Variants in GRIP1 observed in about 807,000 individuals in gnomAD.
The protein encoded by GRIP1 is glutamate receptor-interacting protein 1.
Under a neutral mutation model 129.9 loss-of-function variants are expected in GRIP1, and 45 were observed. The observed-to-expected ratio is 0.35, with a 90% CI of 0.27 to 0.44. The LOEUF (loss-of-function observed/expected upper bound fraction) is 0.44, where lower values mean the gene tolerates loss of function less well. GRIP1 is among the 20% of genes least tolerant of loss of function. GRIP1 has a pLI of 1.00. For missense variants in GRIP1, 1,196 were observed against 1,396.8 expected (o/e 0.86, Z 2.29); for synonymous variants, 530 against 520.8 (o/e 1.02, Z -0.24).
intron 19 of GRIP1, among the ~76,000 whole-genome samples, chr12:66,383,587 C>T (rs757931070): frequency 5.3e-5 from 8 of 152,154 alleles, no homozygotes; most frequent in African/African-American, 9.7e-5. Flanking sequence ...TTTCTCTGGA[C>T]GCTTTCTCTC....
At position 66,371,576 on chromosome 12, in the gene GRIP1, T is replaced by G. The variant is rs148659538; in HGVS notation, c.3012+118A>C. 2.1e-4 allele frequency: 160 copies of G among 755,438 alleles called. No individual in the cohort carries two copies. In the East Asian group the frequency reaches 3.8e-3, roughly 18 times the overall value. The allele number at this position is 755,438 out of a possible 1,614,324, so 46.8% of individuals were successfully genotyped here. A position where few individuals can be genotyped will look rare whatever the true frequency, so the allele number is the denominator to read the frequency against. ...AGTCTCTGAAGATCTGTTTTTAAGC[T>G]TCTTTGCTTGGCTGAGCCCATAGGA... On this transcript the variant is annotated intron_variant, in intron 23 of 24. Coordinates refer to ENST00000359742, the MANE Select transcript of GRIP1 (RefSeq NM_001366722.1).
intron 15 of GRIP1, among the ~76,000 whole-genome samples, chr12:66,419,896 G>T (rs747755246): frequency 4.6e-5 from 7 of 152,220 alleles, no homozygotes; most frequent in Non-Finnish European, 1.0e-4. Context: ...AGGAGTTTGA[G>T]ACCAGCCTAG....
chr12:66,827,835 T>G (rs1269154420), intron 1 of GRIP1, among the ~76,000 whole-genome samples: 1 of 152,246 alleles, frequency 6.6e-6, no homozygotes, highest in Non-Finnish European at 1.5e-5. Flanking sequence ...TGTCTATAAT[T>G]CAAACTTAAA....
chr12:66,951,218 A>T (rs889131996), intron 1 of GRIP1, among the ~76,000 whole-genome samples: 1 of 152,350 alleles, frequency 6.6e-6, no homozygotes, highest in Admixed American at 6.5e-5. Context: ...GCAGAATATA[A>T]AATCTTGTGA....
At chr12:66,555,198 C>T (rs1380575287) in intron 2 of GRIP1, among the ~76,000 whole-genome samples, 3 of 152,128 alleles carry the variant, frequency 2.0e-5, no homozygotes, top group Non-Finnish European at 4.4e-5. Flanking sequence ...GGTGGCTCAG[C>T]ACAGAGACAG....
At chr12:66,470,821 G>A (rs1250030673) in intron 7 of GRIP1, among the ~76,000 whole-genome samples, 1 of 152,182 alleles carries the variant, frequency 6.6e-6, no homozygotes, top group Non-Finnish European at 1.5e-5. Context: ...TACTCTGGGG[G>A]CAGAAATAAT....
chr12:66,713,698 G>C (rs926727215), intron 1 of GRIP1, among the ~76,000 whole-genome samples: 2 of 151,972 alleles, frequency 1.3e-5, no homozygotes, highest in Admixed American at 6.6e-5. Context: ...CTCTCATAGA[G>C]TTAATTCCTT....
At position 66,455,528 on chromosome 12, in the gene GRIP1, A is replaced by G. The variant is rs771010671; in HGVS notation, c.1235T>C (p.Met412Thr). ...LVSSSFSPTSMSAYSLSSLNM... is the reference protein window; with the variant it reads ...LVSSSFSPTSTSAYSLSSLNM... ...CAGGGAACTCAGGCTGTATGCACTC[A>G]TGGAGGTAGGAGAGAAGGATGAAGA... is the stretch of plus-strand genomic sequence containing the variant. Residue 412 changes from methionine to threonine, a missense_variant, in exon 11 of 25, where the codon ATG (methionine) becomes ACG (threonine). Physicochemically the swap from Met to Thr is moderately conservative, Grantham distance 81 (BLOSUM62 -1). Around this residue, in one of 5 missense-constraint regions of GRIP1, gnomAD observed 508 missense variants for 587.0 expected, o/e 0.87. Coordinates refer to ENST00000359742, the MANE Select transcript of GRIP1 (RefSeq NM_001366722.1). The G allele has an allele frequency of 1.4e-5, 22 of 1,614,020 alleles. No individual in the cohort carries two copies. The African/African-American group carries it at 2.7e-4, about 20-fold the overall frequency.
At chr12:66,388,630 G>A (rs1328568398) in intron 19 of GRIP1, among the ~76,000 whole-genome samples, 4 of 152,202 alleles carry the variant, frequency 2.6e-5, no homozygotes, top group Non-Finnish European at 5.9e-5. Flanking sequence ...AAGACAATGG[G>A]GAGTGAAAGA....
intron 1 of GRIP1, among the ~76,000 whole-genome samples, chr12:66,862,562 CCCCTAGGA>C (rs2040130842): frequency 6.6e-6 from 1 of 152,052 alleles, no homozygotes; most frequent in Admixed American, 6.6e-5. Context: ...GCTCTGAAAG[CCCCTAGGA>C]AGGAAACAGC....
chr12:67,050,802 C>T (rs7953961), intron 1 of GRIP1, among the ~76,000 whole-genome samples: 117,684 of 151,990 alleles, frequency 0.77, 47,247 homozygotes, highest in South Asian at 0.9. Context: ...CTGCTTTACC[C>T]CTTTTCCTCA....
intron 14 of GRIP1, among the ~76,000 whole-genome samples, chr12:66,422,083 A>G (rs1294916034): frequency 1.3e-5 from 2 of 152,200 alleles, no homozygotes; most frequent in Non-Finnish European, 2.9e-5. Flanking sequence ...AGATTTTATT[A>G]TAAACAGTCT....
chr12:66,371,872 C>T lies in GRIP1; in HGVS notation c.2834G>A (p.Arg945His), dbSNP rs199951418. Residue 945 changes from arginine to histidine, a missense_variant, in exon 23 of 25, where the codon CGC (arginine) becomes CAC (histidine). Around this residue, in one of 5 missense-constraint regions of GRIP1, gnomAD observed 427 missense variants for 463.3 expected, o/e 0.92. Transcript: ENST00000359742. ...GCTGGCCTGTCGCCCCAGCTGACTG[C>T]GAGGTGTTGGAGCCTCATGATTCAA... ...MSLNHEAPTP[R>H]SQLGRQASFQ... 104 of 1,613,416 alleles carry T rather than the reference C, an allele frequency of 6.4e-5. No individual in the cohort carries two copies. In the Admixed American group the frequency reaches 6.5e-4, roughly 10 times the overall value.
intron 1 of GRIP1, among the ~76,000 whole-genome samples, chr12:67,011,160 C>T (rs1328521621): frequency 6.6e-6 from 1 of 152,084 alleles, no homozygotes; most frequent in Non-Finnish European, 1.5e-5. Flanking sequence ...AAACTGAAAT[C>T]ATCATCATCA....
chr12:66,843,038 G>A (rs1372433512), intron 1 of GRIP1, among the ~76,000 whole-genome samples: 1 of 152,042 alleles, frequency 6.6e-6, no homozygotes, highest in Non-Finnish European at 1.5e-5. Flanking sequence ...AACTAAAATT[G>A]TCAAGAAAAC....
At chr12:66,578,232 G>GGTTTTTTTTTTTTT (rs1555210362) in intron 2 of GRIP1, among the ~76,000 whole-genome samples, 2 of 102,516 alleles carry the variant, frequency 2.0e-5, no homozygotes, top group Non-Finnish European at 3.7e-5. Context: ...CAAAACCGCG[G>GGTTTTTTTTTTTTT]TTTTTTTTTT....
intron 11 of GRIP1, among the ~76,000 whole-genome samples, chr12:66,448,372 C>T (rs150005987): frequency 1.3e-5 from 2 of 152,308 alleles, no homozygotes; most frequent in African/African-American, 4.8e-5. Flanking sequence ...ATATATCTTA[C>T]AAAAATCCTC....
chr12:66,932,253 G>A (rs1406818263), intron 1 of GRIP1, among the ~76,000 whole-genome samples: 3 of 152,174 alleles, frequency 2.0e-5, no homozygotes, highest in East Asian at 3.8e-4. Flanking sequence ...AAAGCCTCAT[G>A]ATGTTCTTCC....
intron 7 of GRIP1, among the ~76,000 whole-genome samples, chr12:66,489,725 C>G (rs1315259347): frequency 1.3e-5 from 2 of 152,158 alleles, no homozygotes; most frequent in Non-Finnish European, 2.9e-5. Flanking sequence ...TCCATCATCT[C>G]AGCCCAAAAG....
Sources: gnomAD v4.1 joint callset for allele counts (sites outside exome capture counted in the v4.1 genomes callset) on GRCh38, gnomAD v4.1.1 for gene constraint, gnomAD v4.1.1 regional missense constraint, MANE v1.5 for transcripts, NCBI Gene and HGNC (gene_info 2026-07-23, HGNC 2026-07-21) for gene names.